MYLK3: variants seen among roughly 807,000 people sequenced by gnomAD.
The protein encoded by MYLK3 is MLC kinase.
Under a neutral mutation model 76.3 loss-of-function variants are expected in MYLK3, and 55 were observed. The observed-to-expected ratio is 0.72, with a 90% confidence interval of 0.58 to 0.90. MYLK3 has a LOEUF of 0.90. Among genes scored for constraint, MYLK3 ranks in the 40% least tolerant of loss-of-function variants. MYLK3 has a pLI of 0.00. For missense variants in MYLK3, 973 were observed against 1,053.6 expected (o/e 0.92, Z 1.06); for synonymous variants, 416 against 425.4 (o/e 0.98, Z 0.27).
intron 9 of MYLK3, among the ~76,000 whole-genome samples, chr16:46,718,179 G>T (rs1279509108): frequency 6.6e-6 from 1 of 152,152 alleles, no homozygotes; most frequent in Non-Finnish European, 1.5e-5. Flanking sequence ...GTCAAAAAGG[G>T]CTCACTACAG....
chr16:46,708,772 C>A (rs1489983721), intron 12 of MYLK3, among the ~76,000 whole-genome samples: 1 of 152,210 alleles, frequency 6.6e-6, no homozygotes, highest in African/African-American at 2.4e-5. Context: ...CCCTGGATCA[C>A]AATTGCTTTT....
intron 8 of MYLK3, 133 bp downstream of exon 8, chr16:46,727,103 C>A: frequency 9.6e-7 from 1 of 1,037,282 alleles, no homozygotes; most frequent in Non-Finnish European, 1.4e-6. Context: ...CTGTCCCAGA[C>A]TCCAGAACTA....
chr16:46,735,499 C>T (rs543560904), intron 3 of MYLK3, among the ~76,000 whole-genome samples: 56 of 152,190 alleles, frequency 3.7e-4, no homozygotes, highest in Non-Finnish European at 6.2e-4. Context: ...AGCCACTGTG[C>T]CTGGACAGTT....
chr16:46,721,566 C>T (rs1375742003), intron 8 of MYLK3, among the ~76,000 whole-genome samples: 1 of 152,152 alleles, frequency 6.6e-6, no homozygotes, highest in Non-Finnish European at 1.5e-5. Context: ...TGGGGTCTCG[C>T]CATGTTGCCC....
At chr16:46,754,627 T>C (rs565219971) in intron 1 of MYLK3, among the ~76,000 whole-genome samples, 2 of 152,334 alleles carry the variant, frequency 1.3e-5, no homozygotes, top group South Asian at 4.1e-4. Context: ...AACCTTGGAC[T>C]TCTCAGCCTC....
At chr16:46,710,188 C>T (rs1383603997) in intron 11 of MYLK3, among the ~76,000 whole-genome samples, 1 of 152,110 alleles carries the variant, frequency 6.6e-6, no homozygotes, top group Non-Finnish European at 1.5e-5. Flanking sequence ...GTGGTTAATA[C>T]CTTTGGTTAT....
intron 3 of MYLK3, among the ~76,000 whole-genome samples, chr16:46,735,824 C>T (rs1380349751): frequency 6.6e-6 from 1 of 152,198 alleles, no homozygotes; most frequent in African/African-American, 2.4e-5. Context: ...CATGACTTCC[C>T]TTTGGGTCTT....
At chr16:46,762,102 C>CGCAG (rs1206216049) in intron 1 of MYLK3, among the ~76,000 whole-genome samples, 4 of 152,176 alleles carry the variant, frequency 2.6e-5, no homozygotes, top group African/African-American at 4.8e-5. Flanking sequence ...TCTGCCACCC[C>CGCAG]GCAGGCGGGC....
At chr16:46,721,006 G>A (rs1232481450) in intron 9 of MYLK3, 117 bp downstream of exon 9, 9 of 896,758 alleles carry the variant, frequency 1.0e-5, no homozygotes, top group Non-Finnish European at 1.7e-5. Flanking sequence ...GCACACAAGA[G>A]CTTTCTTGCA....
chr16:46,739,066 C>A (rs1256054076), intron 2 of MYLK3, among the ~76,000 whole-genome samples: 1 of 152,134 alleles, frequency 6.6e-6, no homozygotes. Flanking sequence ...GTCTCGAACT[C>A]CTAACCTCAG....
At chr16:46,717,971 A>G (rs1424694037) in intron 9 of MYLK3, among the ~76,000 whole-genome samples, 1 of 152,224 alleles carries the variant, frequency 6.6e-6, no homozygotes, top group Non-Finnish European at 1.5e-5. Flanking sequence ...AGTGTACTGC[A>G]TACACCAGCA....
In MYLK3 at chr16:46,707,318, T is replaced by TAC. The variant is rs1966636220; in HGVS notation, c.*384_*385dup. On this transcript the variant is annotated 3_prime_UTR_variant, in exon 13 of 13. Transcript: ENST00000394809. Reference sequence around the variant, plus strand: ...AAATCAAAATTCTAGGAATTCTTTGTACTGGAGGAGATAACACTGAATAAC... The same window carrying TAC: ...AAATCAAAATTCTAGGAATTCTTTGTACACTGGAGGAGATAACACTGAATAAC... 6.2e-6 allele frequency: 1 copy of TAC among 161,406 alleles called. No individual in the cohort carries two copies. The highest frequency in any genetic ancestry group is 2.4e-5 in the African/African-American group (1 of 41,826). The allele number at this position is 161,406 out of a possible 1,614,324, so 10.0% of individuals were successfully genotyped here.
Position 46,704,734 on chromosome 16 carries a change from G to C in MYLK3, c.*2970C>G, listed in dbSNP as rs1272477998. On this transcript the variant is annotated 3_prime_UTR_variant, in exon 13 of 13. Coordinates refer to ENST00000394809, the MANE Select transcript of MYLK3 (RefSeq NM_182493.3). ...ATAGCCTGTACTATATTTTTGTTGG[G>C]CAGTGCTGCTCTAGATATGGTAATT... 6.6e-6 allele frequency: 1 copy of C among 152,070 alleles called. No individual in the cohort carries two copies. The highest frequency in any genetic ancestry group is 1.5e-5 in the Non-Finnish European group (1 of 68,010). 9.4% of individuals were successfully genotyped at this position (152,070 alleles called of 1,614,324 possible).
chr16:46,723,914 G>T (rs960106770), intron 8 of MYLK3, among the ~76,000 whole-genome samples: 4 of 152,172 alleles, frequency 2.6e-5, no homozygotes, highest in African/African-American at 9.7e-5. Context: ...CTCCCAAAGT[G>T]CTGGGATTAC....
chr16:46,739,160 A>C (rs1336850259), intron 2 of MYLK3, among the ~76,000 whole-genome samples: 1 of 151,972 alleles, frequency 6.6e-6, no homozygotes. Flanking sequence ...GAAGTAAAAA[A>C]AAATTTCATA....
At chr16:46,756,688 T>A (rs1168566616) in intron 1 of MYLK3, among the ~76,000 whole-genome samples, 1 of 152,226 alleles carries the variant, frequency 6.6e-6, no homozygotes, top group African/African-American at 2.4e-5. Context: ...AGTTTTCTAA[T>A]TCACACAAAA....
chr16:46,756,631 A>G (rs1183265405), intron 1 of MYLK3, among the ~76,000 whole-genome samples: 1 of 152,218 alleles, frequency 6.6e-6, no homozygotes, highest in African/African-American at 2.4e-5. Context: ...ACAAAATCAT[A>G]TATGATGACG....
chr16:46,717,234 A>T (rs1966750121), intron 9 of MYLK3, among the ~76,000 whole-genome samples: 1 of 152,222 alleles, frequency 6.6e-6, no homozygotes, highest in East Asian at 1.9e-4. Flanking sequence ...GAACTGCAGG[A>T]CACCCAGCTG....
chr16:46,755,500 G>A (rs1201496073), intron 1 of MYLK3, among the ~76,000 whole-genome samples: 2 of 151,336 alleles, frequency 1.3e-5, no homozygotes, highest in Non-Finnish European at 2.9e-5. Flanking sequence ...CTTCAACCTA[G>A]GCCCAAAGTT....
Sources: allele counts gnomAD v4.1 joint callset (sites outside exome capture counted in the v4.1 genomes callset), GRCh38; gene constraint gnomAD v4.1.1; transcripts MANE v1.5; gene names NCBI Gene and HGNC (gene_info 2026-07-23, HGNC 2026-07-21).